Variants in ANKLE2 observed in about 807,000 individuals in gnomAD.
The protein encoded by ANKLE2 is ankyrin repeat and LEM domain-containing protein 2.
A neutral mutation model predicts 84.2 loss-of-function variants in ANKLE2; 55 were observed. The observed-to-expected ratio is 0.65, with a 90% confidence interval of 0.53 to 0.82. The LOEUF is 0.82. Among genes scored for constraint, ANKLE2 ranks in the 40% least tolerant of loss-of-function variants. The probability of loss-of-function intolerance (pLI) is 0.00; values close to 1 mark genes in which losing one functional copy is unlikely to be tolerated. For synonymous variants in ANKLE2, 551 were observed against 486.1 expected (o/e 1.13, Z -1.76); for missense variants, 1,238 against 1,201.9 (o/e 1.03, Z -0.44).
intron 7 of ANKLE2, chr12:132,738,517 T>C (rs1359869618): frequency 1.4e-5 from 2 of 146,308 alleles, no homozygotes; most frequent in Admixed American, 7.1e-5. Context: ...AGGCTTATCA[T>C]AGTTTCATAG....
At chr12:132,727,504 AGT>A in intron 12 of ANKLE2, 61 bp from the exon 13 acceptor site, 1 of 1,428,972 alleles carries the variant, frequency 7.0e-7, no homozygotes. Context: ...GAACAGCAAA[AGT>A]CGGAGAATAA....
rs2043712490 is a variant in ANKLE2, at chr12:132,727,010, A to G, written c.*232T>C. On this transcript the variant is annotated 3_prime_UTR_variant, in exon 13 of 13. Coordinates refer to ENST00000357997, the MANE Select transcript of ANKLE2 (RefSeq NM_015114.3). ...TAAAAAGTCTACCATTACCACATGGATATTTTCCAGAAAATTGGTAACTGA... is the reference window on the plus strand; with the variant it reads ...TAAAAAGTCTACCATTACCACATGGGTATTTTCCAGAAAATTGGTAACTGA... 4 of 556,728 alleles carry G rather than the reference A, an allele frequency of 7.2e-6. No individual in the cohort carries two copies. The highest frequency in any genetic ancestry group is 9.7e-4 in the Middle Eastern group (2 of 2,068). The allele number at this position is 556,728 out of a possible 1,614,324, so 34.5% of individuals were successfully genotyped here. A position where few individuals can be genotyped will look rare whatever the true frequency, so the allele number is the denominator to read the frequency against.
At chr12:132,741,728 A>C (rs1177162653) in intron 6 of ANKLE2, 1 of 624,988 alleles carries the variant, frequency 1.6e-6, no homozygotes, top group Non-Finnish European at 3.0e-6. Flanking sequence ...GCGCTACTCG[A>C]CATTTTCTAA....
rs1195916127 is a variant in ANKLE2, at chr12:132,734,511, C to G, written c.1765G>C (p.Asp589His). 1 of 1,614,076 alleles carries G rather than the reference C, an allele frequency of 6.2e-7. No homozygotes were observed. The highest frequency in any genetic ancestry group is 1.1e-5 in the South Asian group (1 of 91,072). Residue 589 changes from aspartate (D) to histidine (H), a missense_variant, in exon 10 of 13, where the codon GAT becomes CAT. Physicochemically the swap from Asp to His is moderately conservative, Grantham distance 81. Around this residue, in one of 3 missense-constraint regions of ANKLE2, gnomAD observed 802 missense variants for 774.5 expected, o/e 1.04. Transcript: ENST00000357997. The part of the protein sequence containing the change: ...EYWEFLGCFV[D>H]LSSQEGLQRL... Reference sequence around the variant, plus strand: ...TGCAGGCCTTCCTGGGAAGACAGATCAACAAAACAGCCCAGAAATTCCCAG... The same window carrying G: ...TGCAGGCCTTCCTGGGAAGACAGATGAACAAAACAGCCCAGAAATTCCCAG...
At chr12:132,734,283 G>C in intron 10 of ANKLE2, 102 bp downstream of exon 10, 1 of 1,282,520 alleles carries the variant, frequency 7.8e-7, no homozygotes, top group African/African-American at 1.5e-5. Context: ...AGACCTTTAC[G>C]TTAAAAACAC....
chr12:132,727,228 G>C lies in ANKLE2; in HGVS notation c.*14C>G, dbSNP rs554101754. ...TTTAAAAATGAAGAACAAACCGAGAGCCCAGCGCCAAGCCTACAGGGCGGC... is the reference window on the plus strand; with the variant it reads ...TTTAAAAATGAAGAACAAACCGAGACCCCAGCGCCAAGCCTACAGGGCGGC... On this transcript the variant is annotated 3_prime_UTR_variant, in exon 13 of 13. Coordinates refer to ENST00000357997, the MANE Select transcript of ANKLE2 (RefSeq NM_015114.3). 5.1e-5 allele frequency: 79 copies of C among 1,538,566 alleles called. 2 individuals carry two copies. The East Asian group carries it at 1.8e-3, about 36-fold the overall frequency.
At chr12:132,741,912 A>G (rs763123121) in intron 6 of ANKLE2, 17 of 448,832 alleles carry the variant, frequency 3.8e-5, no homozygotes, top group Non-Finnish European at 7.6e-5. Context: ...CGGAACATCA[A>G]AGTTCTATTT....
intron 2 of ANKLE2, among the ~76,000 whole-genome samples, chr12:132,751,971 G>C (rs761130813): frequency 1.3e-5 from 2 of 152,168 alleles, no homozygotes; most frequent in Non-Finnish European, 2.9e-5. Context: ...AAATACATAA[G>C]ATATACACTA....
At chr12:132,737,286 A>G in intron 7 of ANKLE2, 1 of 463,998 alleles carries the variant, frequency 2.2e-6, no homozygotes, top group Non-Finnish European at 3.8e-6. Flanking sequence ...TCACTTAACC[A>G]GCCTCATTTT....
Position 132,726,680 on chromosome 12 carries a change from C to T in ANKLE2, c.*562G>A, listed in dbSNP as rs1358989556. ...GGTTGCTGCAAGTCTGAGGCGCGCT[C>T]CTGGCTCCCTGATCCCTGCCGTCCA... On this transcript the variant is annotated 3_prime_UTR_variant, in exon 13 of 13. Coordinates refer to ENST00000357997, the MANE Select transcript of ANKLE2 (RefSeq NM_015114.3). 6.6e-6 allele frequency: 1 copy of T among 152,478 alleles called. No individual in the cohort carries two copies. The highest frequency in any genetic ancestry group is 1.5e-5 in the Non-Finnish European group (1 of 68,264). The allele number at this position is 152,478 out of a possible 1,614,324, so 9.4% of individuals were successfully genotyped here. A position where few individuals can be genotyped will look rare whatever the true frequency, so the allele number is the denominator to read the frequency against.
Position 132,729,662 on chromosome 12 carries a change from G to A in ANKLE2, c.2483+17C>T, listed in dbSNP as rs769160545. The A allele has an allele frequency of 5.1e-6, 8 of 1,556,450 alleles. No homozygotes were observed. The highest frequency in any genetic ancestry group is 5.3e-6 in the Non-Finnish European group (6 of 1,142,474). On this transcript the variant is annotated intron_variant, in intron 11 of 12. Coordinates refer to ENST00000357997, the MANE Select transcript of ANKLE2 (RefSeq NM_015114.3). ...GGTGGGGAAGGAAAGTGAGTGCAGA[G>A]GGCAACACACTCCTACCCAAAAAGG...
chr12:132,753,118 C>G (rs1415407169), intron 2 of ANKLE2, among the ~76,000 whole-genome samples: 3 of 152,030 alleles, frequency 2.0e-5, no homozygotes, highest in African/African-American at 7.2e-5. Context: ...GGAGACCAGC[C>G]TGGGCAACAT....
At position 132,727,196 on chromosome 12, in the gene ANKLE2, T is replaced by C. The variant is rs2043715292; in HGVS notation, c.*46A>G. Reference sequence around the variant, plus strand: ...CAGTTTAGCAATAAACATATGACCCTTCCTTCTTTAAAAATGAAGAACAAA... The same window carrying C: ...CAGTTTAGCAATAAACATATGACCCCTCCTTCTTTAAAAATGAAGAACAAA... On this transcript the variant is annotated 3_prime_UTR_variant, in exon 13 of 13. Transcript: ENST00000357997. 1 of 1,481,716 alleles carries C rather than the reference T, an allele frequency of 6.7e-7. No homozygotes were observed. Among genetic ancestry groups the C allele is most frequent in the Non-Finnish European group, 9.0e-7 (1 of 1,110,148 alleles). 91.8% of individuals were successfully genotyped at this position (1,481,716 alleles called of 1,614,324 possible). A position where few individuals can be genotyped will look rare whatever the true frequency, so the allele number is the denominator to read the frequency against.
chr12:132,756,128 T>G (rs966883841), intron 1 of ANKLE2: 1 of 151,944 alleles, frequency 6.6e-6, no homozygotes, highest in Non-Finnish European at 1.5e-5. Context: ...GCCCGTTGTA[T>G]TCTTTGGGAG....
chr12:132,737,110 G>T, intron 7 of ANKLE2, 45 bp from the exon 8 acceptor site: 1 of 1,544,128 alleles, frequency 6.5e-7, no homozygotes, highest in Non-Finnish European at 8.8e-7. Flanking sequence ...CGCCCCCTCC[G>T]CAGGTCAGGC....
intron 10 of ANKLE2, among the ~76,000 whole-genome samples, chr12:132,733,480 G>C (rs1458746302): frequency 6.1e-4 from 64 of 105,726 alleles, no homozygotes; most frequent in African/African-American, 2.1e-3. Context: ...GTGAAGCACT[G>C]CGCGTCCTGG....
chr12:132,743,173 T>C lies in ANKLE2; in HGVS notation c.1334A>G (p.Tyr445Cys), dbSNP rs1385493686. 4 of 1,609,716 alleles carry C rather than the reference T, an allele frequency of 2.5e-6. No homozygotes were observed. Among genetic ancestry groups the C allele is most frequent in the Admixed American group, 1.7e-5 (1 of 59,470 alleles). Reference protein sequence around the residue: ...HLIVKNSRNKYDKTPEDVICE... With the variant: ...HLIVKNSRNKCDKTPEDVICE... ...ACTTACATCTTCAGGTGTTTTATCA[T>C]ATTTATTCCTTGAGTTTTTTACAAT... The change falls in exon 6 of 13, where the codon TAT becomes TGT. Residue 445 changes from tyrosine to cysteine, a missense_variant. Transcript: ENST00000357997. The surrounding 1 kb of genome is among the most constrained non-coding windows in gnomAD (Gnocchi z 4.1).
chr12:132,729,217 G>A lies in ANKLE2; in HGVS notation c.2483+462C>T, dbSNP rs567240801. 2.5e-4 allele frequency among the ~76,000 whole-genome samples: 37 copies of A among 148,036 alleles called. No individual in the cohort carries two copies. The Middle Eastern group carries it at 0.011, about 42-fold the overall frequency. On this transcript the variant is annotated intron_variant, in intron 11 of 12. Transcript: ENST00000357997. ...AATACAAAAATCAGCTAGACGTGGTGGCAGGCGCCTGTAATCCCAGCTACT... is the reference window on the plus strand; with the variant it reads ...AATACAAAAATCAGCTAGACGTGGTAGCAGGCGCCTGTAATCCCAGCTACT...
Position 132,761,682 on chromosome 12 carries a change from C to G in ANKLE2, c.117G>C (p.Pro39=), listed in dbSNP as rs1461169026. ...GGGTCCCGCTGCGGCCCAGACCTCC[C>G]GGCCGCGGGCCCAGCCGCCGCACCA... ...RWLVRRLGPR[P]GGLGRSGTPV... Residue 39 remains proline (P), a synonymous_variant, in exon 1 of 13, where the codon CCG becomes CCC. Transcript: ENST00000357997. 3.7e-6 allele frequency: 5 copies of G among 1,344,274 alleles called. No individual in the cohort carries two copies. In the East Asian group the frequency reaches 1.3e-4, roughly 35 times the overall value. The allele number at this position is 1,344,274 out of a possible 1,614,324, so 83.3% of individuals were successfully genotyped here. A position where few individuals can be genotyped will look rare whatever the true frequency, so the allele number is the denominator to read the frequency against.
Sources: gnomAD v4.1 joint callset for allele counts (sites outside exome capture counted in the v4.1 genomes callset) on GRCh38, gnomAD v4.1.1 for gene constraint, gnomAD v4.1.1 regional missense constraint, Gnocchi (gnomAD v3.1) non-coding constraint, MANE v1.5 for transcripts, NCBI Gene and HGNC (gene_info 2026-07-23, HGNC 2026-07-21) for gene names.